Variants in PREX2 observed in about 807,000 individuals in gnomAD.
The protein encoded by PREX2 is phosphatidylinositol-3,4,5-trisphosphate dependent Rac exchange factor 2.
In PREX2, 107 loss-of-function variants were observed where a neutral mutation model predicts 203.2. The ratio of observed to expected loss-of-function variants is 0.53; its 90% CI spans 0.45 to 0.62. PREX2 has a LOEUF of 0.62. Among genes scored for constraint, PREX2 ranks in the 20% least tolerant of loss-of-function variants. PREX2 has a pLI of 0.00. For missense variants in PREX2, 1,777 were observed against 1,955.9 expected (o/e 0.91, Z 1.72); for synonymous variants, 672 against 663.6 (o/e 1.01, Z -0.19).
At chr8:67,968,953 TA>T (rs1795904615) in intron 1 of PREX2, among the ~76,000 whole-genome samples, 1 of 152,244 alleles carries the variant, frequency 6.6e-6, no homozygotes, top group Non-Finnish European at 1.5e-5. Flanking sequence ...ATCAGATATG[TA>T]AAACTCCTTG....
chr8:68,073,565 T>C (rs887091400), intron 14 of PREX2, among the ~76,000 whole-genome samples: 1 of 152,204 alleles, frequency 6.6e-6, no homozygotes, highest in Non-Finnish European at 1.5e-5. Flanking sequence ...AGAACACCTA[T>C]TTTTATATTT....
At chr8:68,020,817 T>G (rs770815196) in intron 3 of PREX2, among the ~76,000 whole-genome samples, 1 of 152,212 alleles carries the variant, frequency 6.6e-6, no homozygotes, top group Non-Finnish European at 1.5e-5. Context: ...CACCCTGACA[T>G]CCATTTCCTT....
At chr8:68,047,127 C>T (rs1446609724) in intron 8 of PREX2, among the ~76,000 whole-genome samples, 1 of 151,948 alleles carries the variant, frequency 6.6e-6, no homozygotes, top group Non-Finnish European at 1.5e-5. Context: ...AACAAGGCAT[C>T]AGCGTATGGA....
intron 33 of PREX2, among the ~76,000 whole-genome samples, chr8:68,140,525 AGAAGTCAGATT>A (rs1266033812): frequency 2.0e-5 from 3 of 152,222 alleles, no homozygotes; most frequent in Non-Finnish European, 4.4e-5. Context: ...TTAGATGTGG[AGAAGTCAGATT>A]CACTAATCCT....
rs1294779060 is a variant in PREX2 at position 68,235,123 on chromosome 8, GA to G, written c.*3747del. On this transcript the variant is annotated 3_prime_UTR_variant, in exon 40 of 40. Transcript: ENST00000288368. ...CTAATACCTTTGCATTTAAAATACT[GA>G]AGTATTATTTTGTTAGTTGAAGTAG... 1.3e-5 allele frequency: 2 copies of G among 152,070 alleles called. No homozygotes were observed. Among genetic ancestry groups the G allele is most frequent in the African/African-American group, 4.8e-5 (2 of 41,422 alleles). The allele number at this position is 152,070 out of a possible 1,614,324, so 9.4% of individuals were successfully genotyped here. A position where few individuals can be genotyped will look rare whatever the true frequency, so the allele number is the denominator to read the frequency against.
Position 68,141,233 on chromosome 8 carries a change from A to G in PREX2, c.4087+2716A>G, listed in dbSNP as rs183662571. Among the ~76,000 whole-genome samples, 5 of 152,344 alleles carry G rather than the reference A, an allele frequency of 3.3e-5. No homozygotes were observed. The East Asian group carries it at 9.6e-4, about 29-fold the overall frequency. ...TTTTGTGGAAAATCTGCATCAGTTT[A>G]GGAGAATAATGTAATGACAGCAGGT... On this transcript the variant is annotated intron_variant, in intron 33 of 39. Coordinates refer to ENST00000288368, the MANE Select transcript of PREX2 (RefSeq NM_024870.4).
intron 4 of PREX2, among the ~76,000 whole-genome samples, chr8:68,026,518 T>C (rs1477522816): frequency 6.6e-6 from 1 of 152,056 alleles, no homozygotes; most frequent in Admixed American, 6.6e-5. Context: ...TAAAGGCTTT[T>C]TTTTTATCAG....
intron 34 of PREX2, among the ~76,000 whole-genome samples, chr8:68,152,015 C>T (rs1006882046): frequency 2.6e-5 from 4 of 151,574 alleles, no homozygotes; most frequent in African/African-American, 9.7e-5. Context: ...CTTGGCCAGG[C>T]GTGGTGGCTC....
At position 67,952,517 on chromosome 8, in the gene PREX2, G is replaced by T; in HGVS notation, c.123G>T (p.Thr41=). ...AGACCGAGCGGGACTATGTGGGCAC[G>T]CTGGAGTTCCTGGTGTCGGTGAGTG... ...LQKTERDYVG[T]LEFLVSAFLH... The change falls in exon 1 of 40, where the codon ACG becomes ACT. Residue 41 remains threonine (T), a synonymous_variant. Transcript: ENST00000288368. 1 of 1,610,304 alleles carries T rather than the reference G, an allele frequency of 6.2e-7. No homozygotes were observed. The highest frequency in any genetic ancestry group is 1.1e-5 in the South Asian group (1 of 90,368).
intron 18 of PREX2, among the ~76,000 whole-genome samples, chr8:68,085,432 T>A (rs1809652842): frequency 6.6e-6 from 1 of 152,218 alleles, no homozygotes; most frequent in Admixed American, 6.5e-5. Flanking sequence ...ATCACTGTCA[T>A]ATTTTCTTAC....
chr8:68,190,949 C>A (rs969755519), intron 35 of PREX2, among the ~76,000 whole-genome samples: 1 of 151,954 alleles, frequency 6.6e-6, no homozygotes, highest in African/African-American at 2.4e-5. Context: ...GTAATTATTG[C>A]AGGCCACTAG....
At chr8:67,984,859 G>A (rs937957169) in intron 1 of PREX2, among the ~76,000 whole-genome samples, 2 of 152,156 alleles carry the variant, frequency 1.3e-5, no homozygotes, top group African/African-American at 2.4e-5. Flanking sequence ...TCCTAGCTGC[G>A]ATGTGGGGTG....
chr8:67,952,134 C>T lies in PREX2; in HGVS notation c.-261C>T. 2 of 327,568 alleles carry T rather than the reference C, an allele frequency of 6.1e-6. No individual in the cohort carries two copies. Among genetic ancestry groups the T allele is most frequent in the Non-Finnish European group, 1.1e-5 (2 of 183,588 alleles). The allele number at this position is 327,568 out of a possible 1,614,324, so 20.3% of individuals were successfully genotyped here. On this transcript the variant is annotated 5_prime_UTR_variant, in exon 1 of 40. Transcript: ENST00000288368. ...CCGTGTGAGGCCAGAGCAGCGGGGCCGGGCGCGCAGGGCCTGGCCGGAGCC... is the reference window on the plus strand; with the variant it reads ...CCGTGTGAGGCCAGAGCAGCGGGGCTGGGCGCGCAGGGCCTGGCCGGAGCC...
intron 4 of PREX2, among the ~76,000 whole-genome samples, chr8:68,023,892 T>C (rs1176144664): frequency 6.6e-6 from 1 of 152,060 alleles, no homozygotes; most frequent in African/African-American, 2.4e-5. Flanking sequence ...GTATTTTGCA[T>C]ATAGGATCAA....
At chr8:68,068,984 C>T in intron 11 of PREX2, 49 bp from the exon 12 acceptor site, 1 of 710,918 alleles carries the variant, frequency 1.4e-6, no homozygotes, top group Non-Finnish European at 2.2e-6. Flanking sequence ...TGTTTATCTG[C>T]CCCCTTTTAG....
intron 1 of PREX2, among the ~76,000 whole-genome samples, chr8:67,960,799 GAC>G (rs1805613821): frequency 6.6e-6 from 1 of 151,952 alleles, no homozygotes; most frequent in Non-Finnish European, 1.5e-5. Context: ...TAATGATTTG[GAC>G]ACACACTTTC....
At chr8:67,967,235 G>A (rs942395330) in intron 1 of PREX2, among the ~76,000 whole-genome samples, 1 of 152,142 alleles carries the variant, frequency 6.6e-6, no homozygotes, top group African/African-American at 2.4e-5. Flanking sequence ...AAACCCAGAT[G>A]TACATTGCTA....
In PREX2 at chr8:68,234,194, A is replaced by G. The variant is rs1484132815; in HGVS notation, c.*2816A>G. On this transcript the variant is annotated 3_prime_UTR_variant, in exon 40 of 40. Transcript: ENST00000288368. The stretch of plus-strand genomic sequence containing the variant: ...CCTAATGGATGAATGAATAATGACA[A>G]TTTTTTCAATGCCATATGTACCTCC... 2 of 152,104 alleles carry G rather than the reference A, an allele frequency of 1.3e-5. No individual in the cohort carries two copies. Among genetic ancestry groups the G allele is most frequent in the East Asian group, 1.9e-4 (1 of 5,180 alleles). The allele number at this position is 152,104 out of a possible 1,614,324, so 9.4% of individuals were successfully genotyped here.
In PREX2 at chr8:68,134,069, A is replaced by G; in HGVS notation, c.3777A>G (p.Thr1259=). 1 of 1,613,934 alleles carries G rather than the reference A, an allele frequency of 6.2e-7. No homozygotes were observed. Residue 1259 remains threonine (T), a synonymous_variant, in exon 32 of 40, where the codon ACA becomes ACG. Coordinates refer to ENST00000288368, the MANE Select transcript of PREX2 (RefSeq NM_024870.4). ...TCTCTTTGATCACAGATAGTGAGACACAGCTCCGTAGAGACATGGTTTTCT... is the reference window on the plus strand; with the variant it reads ...TCTCTTTGATCACAGATAGTGAGACGCAGCTCCGTAGAGACATGGTTTTCT... ...LALLEYSDSE[T]QLRRDMVFCQ...
Sources: allele counts gnomAD v4.1 joint callset (sites outside exome capture counted in the v4.1 genomes callset), GRCh38; gene constraint gnomAD v4.1.1; transcripts MANE v1.5; gene names NCBI Gene and HGNC (gene_info 2026-07-23, HGNC 2026-07-21).